Variants in DIAPH3 observed in about 807,000 individuals in gnomAD.
DIAPH3 encodes diaphanous related formin 3, also known as protein diaphanous homolog 3.
DIAPH3 carries 117 observed loss-of-function variants against 144.3 expected under a neutral mutation model. That is an observed-to-expected ratio of 0.81 (90% CI 0.70 to 0.95). DIAPH3 has a LOEUF of 0.95. DIAPH3 is among the 40% of genes least tolerant of loss of function. The pLI is 0.00. For synonymous variants in DIAPH3, 519 were observed against 488.9 expected (o/e 1.06, Z -0.81); for missense variants, 1,421 against 1,412.7 (o/e 1.01, Z -0.09).
At chr13:59,672,358 T>A (rs1409463003) in intron 27 of DIAPH3, among the ~76,000 whole-genome samples, 3 of 152,252 alleles carry the variant, frequency 2.0e-5, no homozygotes, top group South Asian at 4.1e-4. Flanking sequence ...TGGTGAGTTG[T>A]GGCAGCCTTG....
At chr13:60,152,115 A>C (rs1037317525) in intron 1 of DIAPH3, among the ~76,000 whole-genome samples, 5 of 152,200 alleles carry the variant, frequency 3.3e-5, no homozygotes, top group African/African-American at 9.6e-5. Flanking sequence ...ATTACGGGAT[A>C]AACTCTCTGT....
intron 27 of DIAPH3, among the ~76,000 whole-genome samples, chr13:59,730,662 G>A (rs1339211087): frequency 6.6e-6 from 1 of 152,142 alleles, no homozygotes; most frequent in Non-Finnish European, 1.5e-5. Flanking sequence ...GTGAGTTCTG[G>A]AACCTGACTT....
intron 2 of DIAPH3, among the ~76,000 whole-genome samples, chr13:60,114,551 T>C (rs1199897294): frequency 2.6e-5 from 4 of 151,774 alleles, no homozygotes; most frequent in Admixed American, 2.6e-4. Flanking sequence ...TTTCAGAAGA[T>C]AATGACTAAG....
intron 5 of DIAPH3, among the ~76,000 whole-genome samples, chr13:60,036,126 C>A (rs1295326716): frequency 1.3e-5 from 2 of 152,170 alleles, no homozygotes; most frequent in Non-Finnish European, 2.9e-5. Context: ...CTCTTCTATT[C>A]CCTTGGGACT....
chr13:59,948,945 T>C (rs1235661830), intron 17 of DIAPH3, among the ~76,000 whole-genome samples: 1 of 152,052 alleles, frequency 6.6e-6, no homozygotes, highest in South Asian at 2.1e-4. Context: ...AATTTAAAGA[T>C]CTTATACATG....
At chr13:59,899,274 C>T (rs548115586) in intron 20 of DIAPH3, among the ~76,000 whole-genome samples, 2 of 152,258 alleles carry the variant, frequency 1.3e-5, no homozygotes, top group African/African-American at 4.8e-5. Context: ...AACTCCCTTT[C>T]ATATATACAT....
intron 17 of DIAPH3, among the ~76,000 whole-genome samples, chr13:59,931,129 A>G: frequency 6.6e-6 from 1 of 152,106 alleles, no homozygotes; most frequent in East Asian, 1.9e-4. Context: ...TCTTTTTGCT[A>G]TTTTCAAGTC....
chr13:59,837,364 A>G (rs182904755), intron 23 of DIAPH3, among the ~76,000 whole-genome samples: 20 of 152,098 alleles, frequency 1.3e-4, no homozygotes, highest in African/African-American at 4.8e-4. Flanking sequence ...AGCCGACATC[A>G]TTCAGTTTCT....
intron 24 of DIAPH3, among the ~76,000 whole-genome samples, chr13:59,822,518 G>A (rs2041126483): frequency 6.6e-6 from 1 of 152,008 alleles, no homozygotes; most frequent in African/African-American, 2.4e-5. Context: ...TCGGCTCACT[G>A]CAACCTCCGC....
intron 5 of DIAPH3, among the ~76,000 whole-genome samples, chr13:60,020,212 A>G (rs1042366921): frequency 6.6e-6 from 1 of 152,188 alleles, no homozygotes; most frequent in African/African-American, 2.4e-5. Flanking sequence ...CTTAGAAATA[A>G]TATTTAGGTC....
At chr13:59,861,572 A>G (rs1036076365) in intron 21 of DIAPH3, 36 bp from the exon 22 acceptor site, 6 of 1,588,918 alleles carry the variant, frequency 3.8e-6, no homozygotes, top group Non-Finnish European at 5.2e-6. Context: ...ACACAGAGTC[A>G]TAAGTATGTT....
At chr13:60,095,740 A>G (rs1436133093) in intron 3 of DIAPH3, among the ~76,000 whole-genome samples, 9 of 152,096 alleles carry the variant, frequency 5.9e-5, no homozygotes, top group Non-Finnish European at 1.2e-4. Flanking sequence ...AAATTATTAC[A>G]TATTAAATAC....
chr13:60,055,618 G>A (rs1487016990), intron 4 of DIAPH3, among the ~76,000 whole-genome samples: 1 of 151,336 alleles, frequency 6.6e-6, no homozygotes, highest in East Asian at 1.9e-4. Flanking sequence ...GCAATTATAA[G>A]AAAAAAAGAC....
intron 17 of DIAPH3, among the ~76,000 whole-genome samples, chr13:59,942,339 C>T (rs1345983564): frequency 6.6e-6 from 1 of 152,070 alleles, no homozygotes; most frequent in Non-Finnish European, 1.5e-5. Context: ...AAAAATAAAA[C>T]AAATGACTCA....
intron 27 of DIAPH3, among the ~76,000 whole-genome samples, chr13:59,741,680 G>A (rs1356811234): frequency 6.8e-6 from 1 of 146,770 alleles, no homozygotes; most frequent in African/African-American, 2.5e-5. Flanking sequence ...TTGCACCACT[G>A]CCTTCCAGCC....
At chr13:59,944,896 G>A (rs1176169375) in intron 17 of DIAPH3, among the ~76,000 whole-genome samples, 1 of 151,926 alleles carries the variant, frequency 6.6e-6, no homozygotes, top group Admixed American at 6.6e-5. Flanking sequence ...AATCTTTCCA[G>A]GCTCATAACT....
At chr13:60,065,241 CCTTTA>C (rs2056909467) in intron 4 of DIAPH3, among the ~76,000 whole-genome samples, 1 of 131,724 alleles carries the variant, frequency 7.6e-6, no homozygotes, top group Non-Finnish European at 1.6e-5. Flanking sequence ...TTTCCACAGT[CCTTTA>C]ATTTATTAAA....
chr13:59,916,995 G>A (rs1479169930), intron 18 of DIAPH3, among the ~76,000 whole-genome samples: 3 of 152,100 alleles, frequency 2.0e-5, no homozygotes, highest in Admixed American at 1.3e-4. Context: ...CAGATACAAC[G>A]CTTTTGCTAG....
intron 24 of DIAPH3, among the ~76,000 whole-genome samples, chr13:59,811,505 G>A (rs1252643267): frequency 4.6e-5 from 7 of 152,062 alleles, no homozygotes; most frequent in South Asian, 2.1e-4. Context: ...TTGGGAGGCC[G>A]AGGTGGGCGG....
Sources: allele counts gnomAD v4.1 joint callset (sites outside exome capture counted in the v4.1 genomes callset), GRCh38; gene constraint gnomAD v4.1.1; transcripts MANE v1.5; gene names NCBI Gene and HGNC (gene_info 2026-07-23, HGNC 2026-07-21).